Variants in CDK13 observed in about 807,000 individuals in gnomAD.
CDK13 encodes the protein cyclin dependent kinase 13, also known as cyclin-dependent kinase 13.
Under a neutral mutation model 137.6 loss-of-function variants are expected in CDK13, and 40 were observed. That is an observed-to-expected ratio of 0.29 (90% CI 0.23 to 0.38). The LOEUF (loss-of-function observed/expected upper bound fraction) is 0.38, where lower values mean the gene tolerates loss of function less well. Among genes scored for constraint, CDK13 ranks in the 10% least tolerant of loss-of-function variants. CDK13 has a pLI of 1.00. For missense variants in CDK13, 1,704 were observed against 1,951.8 expected (o/e 0.87, Z 2.39); for synonymous variants, 869 against 760.1 (o/e 1.14, Z -2.36).
chr7:39,972,503 C>T (rs374921324), intron 1 of CDK13, among the ~76,000 whole-genome samples: 7 of 152,306 alleles, frequency 4.6e-5, no homozygotes, highest in African/African-American at 1.7e-4. Flanking sequence ...TGGCAACCAA[C>T]GGTTGGTGAT....
chr7:40,047,248 A>AC (rs1487326599), intron 6 of CDK13, among the ~76,000 whole-genome samples: 8 of 152,158 alleles, frequency 5.3e-5, no homozygotes, highest in Non-Finnish European at 1.2e-4. Context: ...CATATTTAAA[A>AC]CTTATGTAAA....
At chr7:40,093,301 C>G in intron 13 of CDK13, 64 bp downstream of exon 13, 1 of 1,303,004 alleles carries the variant, frequency 7.7e-7, no homozygotes, top group Non-Finnish European at 1.1e-6. Flanking sequence ...GTGTTGCTGA[C>G]TATATATAAT....
chr7:40,012,048 A>G (rs891805860), intron 5 of CDK13, among the ~76,000 whole-genome samples: 1 of 152,208 alleles, frequency 6.6e-6, no homozygotes, highest in African/African-American at 2.4e-5. Flanking sequence ...CAACTTAGTT[A>G]TTAGGGAAGT....
chr7:40,038,176 T>G (rs373016724), intron 5 of CDK13, among the ~76,000 whole-genome samples: 1 of 152,192 alleles, frequency 6.6e-6, no homozygotes, highest in African/African-American at 2.4e-5. Flanking sequence ...CAATGTTTCT[T>G]TTGTACATAT....
intron 1 of CDK13, among the ~76,000 whole-genome samples, chr7:39,965,761 G>T (rs920453002): frequency 6.6e-6 from 1 of 152,122 alleles, no homozygotes; most frequent in African/African-American, 2.4e-5. Flanking sequence ...CTTACCGGTT[G>T]TTCCTTTCCA....
chr7:40,001,348 C>T (rs1211803954), intron 4 of CDK13, among the ~76,000 whole-genome samples: 4 of 151,804 alleles, frequency 2.6e-5, no homozygotes, highest in Admixed American at 1.3e-4. Flanking sequence ...CTGCCTCAAA[C>T]ACCCAGGTAG....
chr7:40,020,589 A>G (rs1397479529), intron 5 of CDK13, among the ~76,000 whole-genome samples: 1 of 152,226 alleles, frequency 6.6e-6, no homozygotes, highest in Non-Finnish European at 1.5e-5. Context: ...TATTGAGGTT[A>G]CACATACTTC....
At chr7:40,036,020 A>G (rs1368012445) in intron 5 of CDK13, among the ~76,000 whole-genome samples, 1 of 151,974 alleles carries the variant, frequency 6.6e-6, no homozygotes, top group Non-Finnish European at 1.5e-5. Context: ...AGAAATTAGC[A>G]AAGTGTGGTG....
intron 1 of CDK13, among the ~76,000 whole-genome samples, chr7:39,954,282 G>A (rs1256491428): frequency 6.6e-6 from 1 of 152,160 alleles, no homozygotes; most frequent in East Asian, 1.9e-4. Flanking sequence ...TAAAATAGTT[G>A]ATTGGAAAAA....
chr7:40,005,114 C>T lies in CDK13; in HGVS notation c.2353+3083C>T, dbSNP rs187930125. Among the ~76,000 whole-genome samples, 93 of 149,532 alleles carry T rather than the reference C, an allele frequency of 6.2e-4. 2 individuals carry two copies. Among genetic ancestry groups the T allele is most frequent in the African/African-American group, 2.3e-3 (92 of 40,602 alleles). ...GTTTGAACCTGGGAGGTGGAGGTTG[C>T]AGTGAGCCGAGATTGCACCATTGCA... is the stretch of plus-strand genomic sequence containing the variant. On this transcript the variant is annotated intron_variant, in intron 5 of 13. Transcript: ENST00000181839.
chr7:39,951,644 C>G lies in CDK13; in HGVS notation c.1003C>G (p.Leu335Val). 1 of 1,477,090 alleles carries G rather than the reference C, an allele frequency of 6.8e-7. No homozygotes were observed. Among genetic ancestry groups the G allele is most frequent in the South Asian group, 1.4e-5 (1 of 73,534 alleles). 91.5% of individuals were successfully genotyped at this position (1,477,090 alleles called of 1,614,324 possible). A position where few individuals can be genotyped will look rare whatever the true frequency, so the allele number is the denominator to read the frequency against. ...SPVSHRASQS[L>V]RSRKSPSPAG... The stretch of plus-strand genomic sequence containing the variant: ...GGTGTCCCACAGGGCCTCTCAGAGC[C>G]TGAGGAGCCGCAAGTCCCCCAGCCC... The change falls in exon 1 of 14, where the codon CTG (leucine) becomes GTG (valine). Residue 335 changes from leucine (L) to valine (V), a missense_variant. Leu to Val is a conservative substitution (Grantham distance 32). This residue lies in a region of CDK13 where 1,051 missense variants were observed against 931.0 expected (regional missense o/e 1.13). Transcript: ENST00000181839.
intron 2 of CDK13, among the ~76,000 whole-genome samples, chr7:39,990,617 A>G (rs1009043244): frequency 6.6e-6 from 1 of 152,230 alleles, no homozygotes; most frequent in East Asian, 1.9e-4. Flanking sequence ...TACTATTTAT[A>G]ATACTGTTAG....
Position 39,951,119 on chromosome 7 carries a change from G to C in CDK13, c.478G>C (p.Gly160Arg), listed in dbSNP as rs1554317112. The C allele has an allele frequency of 8.0e-7, 1 of 1,244,868 alleles. No individual in the cohort carries two copies. Among genetic ancestry groups the C allele is most frequent in the Admixed American group, 4.2e-5 (1 of 23,710 alleles). 77.1% of individuals were successfully genotyped at this position (1,244,868 alleles called of 1,614,324 possible). Residue 160 changes from glycine to arginine, a missense_variant, in exon 1 of 14, where the codon GGG (glycine) becomes CGG (arginine). Transcript: ENST00000181839. ...CCAGTCCGAGCAGGGGCTGCTGCTG[G>C]GGGGGGCCAGCGCGGCAACGGCGGC... is the stretch of plus-strand genomic sequence containing the variant. The part of the protein sequence containing the change: ...SSQSEQGLLL[G>R]GASAATAATA...
intron 5 of CDK13, among the ~76,000 whole-genome samples, chr7:40,028,094 G>A (rs1176022974): frequency 2.0e-5 from 3 of 151,666 alleles, no homozygotes; most frequent in African/African-American, 7.3e-5. Context: ...GATTAGGGAG[G>A]TTCAGTATGG....
intron 13 of CDK13, among the ~76,000 whole-genome samples, chr7:40,093,777 A>G (rs1277990890): frequency 6.6e-6 from 1 of 151,966 alleles, no homozygotes; most frequent in African/African-American, 2.4e-5. Flanking sequence ...ATGGTAGCAC[A>G]TGCCTGTGAT....
chr7:40,083,079 G>A (rs1312975108), intron 11 of CDK13, among the ~76,000 whole-genome samples: 2 of 150,530 alleles, frequency 1.3e-5, no homozygotes, highest in Non-Finnish European at 3.0e-5. Flanking sequence ...CTCCAGCTTG[G>A]GCAACAGAGT....
At position 39,950,867 on chromosome 7, in the gene CDK13, GC is replaced by G; in HGVS notation, c.228del (p.Ser77ProfsTer64). On this transcript the variant is annotated frameshift_variant, in exon 1 of 14. Coordinates refer to ENST00000181839, the MANE Select transcript of CDK13 (RefSeq NM_003718.5). LOFTEE classifies it high-confidence loss of function. Reference sequence around the variant, plus strand: ...CGCCGCCGCAGCCGCCGCCGCCGCGGCCTCCTCCTCTTGCTTCAGCCCGGGC... The same window carrying G: ...CGCCGCCGCAGCCGCCGCCGCCGCGGCTCCTCCTCTTGCTTCAGCCCGGGC... ...TAAAAAAAAA[A>X]SSSCFSPGPP... 7.3e-7 allele frequency: 1 copy of G among 1,369,266 alleles called. No homozygotes were observed. Among genetic ancestry groups the G allele is most frequent in the Non-Finnish European group, 9.3e-7 (1 of 1,072,432 alleles). 84.8% of individuals were successfully genotyped at this position (1,369,266 alleles called of 1,614,324 possible). A position where few individuals can be genotyped will look rare whatever the true frequency, so the allele number is the denominator to read the frequency against.
At chr7:40,085,359 A>C (rs1786765709) in intron 11 of CDK13, among the ~76,000 whole-genome samples, 1 of 150,512 alleles carries the variant, frequency 6.6e-6, no homozygotes, top group Non-Finnish European at 1.5e-5. Flanking sequence ...CGAGAGCAAG[A>C]TTCCATCTCA....
At chr7:39,961,578 A>G (rs1783728368) in intron 1 of CDK13, among the ~76,000 whole-genome samples, 1 of 151,954 alleles carries the variant, frequency 6.6e-6, no homozygotes, top group Admixed American at 6.6e-5. Flanking sequence ...TAGATTCCAC[A>G]TATAAGTGAG....
Sources: allele counts gnomAD v4.1 joint callset (sites outside exome capture counted in the v4.1 genomes callset), GRCh38; gene constraint gnomAD v4.1.1; regional missense constraint gnomAD v4.1.1; transcripts MANE v1.5; gene names NCBI Gene and HGNC (gene_info 2026-07-23, HGNC 2026-07-21).